CYP39A1: variants seen among roughly 807,000 people sequenced by gnomAD.
The protein encoded by CYP39A1 is cytochrome P450 family 39 subfamily A member 1, also known as 24-hydroxycholesterol 7-alpha-hydroxylase.
Under a neutral mutation model 58.1 loss-of-function variants are expected in CYP39A1, and 49 were observed. That is an observed-to-expected ratio of 0.84 (90% CI 0.67 to 1.07). The LOEUF (loss-of-function observed/expected upper bound fraction) is 1.07. CYP39A1 is among the 50% of genes least tolerant of loss of function. The pLI, the probability that CYP39A1 is intolerant of heterozygous loss-of-function variation, is 0.00. For missense variants in CYP39A1, 531 were observed against 539.4 expected (o/e 0.98, Z 0.16); for synonymous variants, 209 against 187.6 (o/e 1.11, Z -0.93).
intron 1 of CYP39A1, among the ~76,000 whole-genome samples, chr6:46,644,049 A>C (rs570936870): frequency 6.6e-6 from 1 of 152,338 alleles, no homozygotes; most frequent in Non-Finnish European, 1.5e-5. Context: ...AGTTATTGAC[A>C]TTGATACAGT....
chr6:46,628,496 C>T (rs1348454154), intron 6 of CYP39A1, among the ~76,000 whole-genome samples: 5 of 152,152 alleles, frequency 3.3e-5, no homozygotes, highest in Non-Finnish European at 7.4e-5. Flanking sequence ...TCAGAAATTT[C>T]TTGGAACTTA....
intron 7 of CYP39A1, among the ~76,000 whole-genome samples, chr6:46,603,062 G>A (rs966761184): frequency 1.3e-5 from 2 of 152,126 alleles, no homozygotes; most frequent in African/African-American, 4.8e-5. Flanking sequence ...AAAGTCTGGA[G>A]CTTACATGCA....
chr6:46,586,216 T>C (rs1018106823), intron 10 of CYP39A1: 13 of 983,516 alleles, frequency 1.3e-5, no homozygotes, highest in African/African-American at 1.7e-5. Flanking sequence ...ACTGCAAATA[T>C]GGACTGGCAT....
chr6:46,615,143 G>C (rs1774447911), intron 7 of CYP39A1, among the ~76,000 whole-genome samples: 1 of 152,050 alleles, frequency 6.6e-6, no homozygotes, highest in Non-Finnish European at 1.5e-5. Context: ...TGGTAGGCAA[G>C]TTTCTGTTGA....
At chr6:46,561,785 A>G (rs1294825840) in intron 10 of CYP39A1, among the ~76,000 whole-genome samples, 2 of 152,206 alleles carry the variant, frequency 1.3e-5, no homozygotes, top group Non-Finnish European at 2.9e-5. Context: ...TGAGAAATGC[A>G]AACAAGATCA....
chr6:46,556,137 T>C (rs1224841046), intron 10 of CYP39A1, among the ~76,000 whole-genome samples: 1 of 152,244 alleles, frequency 6.6e-6, no homozygotes, highest in Admixed American at 6.5e-5. Context: ...AAGTTGGTGT[T>C]ATCTTCCTGC....
At chr6:46,562,985 T>C (rs1421889554) in intron 10 of CYP39A1, among the ~76,000 whole-genome samples, 2 of 152,016 alleles carry the variant, frequency 1.3e-5, no homozygotes, top group African/African-American at 2.4e-5. Context: ...ATTAAGATAG[T>C]ATTGATATTT....
At position 46,586,540 on chromosome 6, in the gene CYP39A1, A is replaced by C; in HGVS notation, c.1250+537T>G. ...CAATAACTTTCATTAAACAATGGAC[A>C]CTTGCATTAGAACAGGGTATCACAC... is the stretch of plus-strand genomic sequence containing the variant. On this transcript the variant is annotated intron_variant, in intron 10 of 11. Transcript: ENST00000275016. 5 of 985,346 alleles carry C rather than the reference A, an allele frequency of 5.1e-6. No individual in the cohort carries two copies. In the South Asian group the frequency reaches 1.9e-4, roughly 37 times the overall value. 61.0% of individuals were successfully genotyped at this position (985,346 alleles called of 1,614,324 possible).
intron 11 of CYP39A1, 59 bp from the exon 12 acceptor site, chr6:46,550,496 C>T (rs964080881): frequency 8.8e-6 from 13 of 1,475,450 alleles, no homozygotes; most frequent in Non-Finnish European, 1.2e-5. Flanking sequence ...CAGTTTCAGA[C>T]CTAAGGTTTA....
intron 7 of CYP39A1, among the ~76,000 whole-genome samples, chr6:46,613,147 T>G (rs1206784353): frequency 6.6e-6 from 1 of 152,244 alleles, no homozygotes; most frequent in Non-Finnish European, 1.5e-5. Context: ...TTCACTTTAC[T>G]AGTGTTTATA....
At chr6:46,554,728 T>C (rs1236844703) in intron 10 of CYP39A1, among the ~76,000 whole-genome samples, 3 of 152,170 alleles carry the variant, frequency 2.0e-5, no homozygotes, top group African/African-American at 7.2e-5. Context: ...CCTTAATGAA[T>C]ACAATTAGTC....
At chr6:46,628,448 T>A (rs575341752) in intron 6 of CYP39A1, among the ~76,000 whole-genome samples, 1 of 152,214 alleles carries the variant, frequency 6.6e-6, no homozygotes, top group East Asian at 1.9e-4. Context: ...AGCTTTGTGA[T>A]TGGTTTGGAG....
At chr6:46,570,549 T>C (rs1460987034) in intron 10 of CYP39A1, among the ~76,000 whole-genome samples, 1 of 152,184 alleles carries the variant, frequency 6.6e-6, no homozygotes, top group East Asian at 1.9e-4. Flanking sequence ...TGTGTTGCTA[T>C]GAAGGAATAC....
chr6:46,552,260 G>A (rs1770441233), intron 11 of CYP39A1, among the ~76,000 whole-genome samples: 1 of 152,130 alleles, frequency 6.6e-6, no homozygotes, highest in Admixed American at 6.5e-5. Context: ...TCAGGAACTA[G>A]TATTTGATGT....
chr6:46,585,246 C>T (rs1293991507), intron 10 of CYP39A1, among the ~76,000 whole-genome samples: 4 of 152,054 alleles, frequency 2.6e-5, no homozygotes, highest in South Asian at 2.1e-4. Context: ...CATTGCAAGA[C>T]ATTTCAGTCA....
rs984142237 is a variant in CYP39A1 at position 46,550,268 on chromosome 6, G to C, written c.*98C>G. On this transcript the variant is annotated 3_prime_UTR_variant, in exon 12 of 12. Transcript: ENST00000275016. ...CTTGAACTAAGTCCTAAAACAAAGT[G>C]AAGCAGTGTGTTTTTGTAGAGCTCA... The C allele has an allele frequency of 1.1e-6, 1 of 894,858 alleles. No individual in the cohort carries two copies. Among genetic ancestry groups the C allele is most frequent in the African/African-American group, 1.7e-5 (1 of 59,628 alleles). The allele number at this position is 894,858 out of a possible 1,614,324, so 55.4% of individuals were successfully genotyped here.
At chr6:46,634,075 C>A (rs146032242) in intron 5 of CYP39A1, among the ~76,000 whole-genome samples, 1 of 152,228 alleles carries the variant, frequency 6.6e-6, no homozygotes, top group Admixed American at 6.5e-5. Context: ...GGTTTGGCTA[C>A]GAAGCCACCA....
intron 7 of CYP39A1, 39 bp from the exon 8 acceptor site, chr6:46,596,159 G>C (rs930262902): frequency 5.9e-6 from 9 of 1,529,344 alleles, no homozygotes; most frequent in Non-Finnish European, 8.0e-6. Context: ...ATAGACTACA[G>C]AGGTCAGAAA....
chr6:46,595,610 G>C (rs1169392180), intron 8 of CYP39A1, among the ~76,000 whole-genome samples: 2 of 151,836 alleles, frequency 1.3e-5, no homozygotes, highest in African/African-American at 4.8e-5. Flanking sequence ...AGGAGGACCT[G>C]GAGAGATATT....
Sources: gnomAD v4.1 joint callset for allele counts (sites outside exome capture counted in the v4.1 genomes callset) on GRCh38, gnomAD v4.1.1 for gene constraint, MANE v1.5 for transcripts, NCBI Gene and HGNC (gene_info 2026-07-23, HGNC 2026-07-21) for gene names.